Variants in CLASP2 observed in about 807,000 individuals in gnomAD.
CLASP2 encodes the protein CLIP-associating protein 2.
A neutral mutation model predicts 194.4 loss-of-function variants in CLASP2; 47 were observed. The ratio of observed to expected loss-of-function variants is 0.24; its 90% CI spans 0.19 to 0.31. The LOEUF is 0.31. CLASP2 is among the 10% of genes least tolerant of loss of function. The pLI, the probability that CLASP2 is intolerant of heterozygous loss-of-function variation, is 1.00. For synonymous variants in CLASP2, 619 were observed against 633.5 expected (o/e 0.98, Z 0.34); for missense variants, 1,445 against 1,823.6 (o/e 0.79, Z 3.78).
chr3:33,529,467 A>G (rs1379604354), intron 34 of CLASP2, among the ~76,000 whole-genome samples: 1 of 151,372 alleles, frequency 6.6e-6, no homozygotes, highest in Non-Finnish European at 1.5e-5. Flanking sequence ...ACTAGCACAA[A>G]AACAGGCACA....
chr3:33,707,297 T>G (rs890757165), intron 1 of CLASP2, among the ~76,000 whole-genome samples: 1 of 152,148 alleles, frequency 6.6e-6, no homozygotes, highest in Non-Finnish European at 1.5e-5. Context: ...TATGAGTTCA[T>G]AATTATATGA....
chr3:33,686,616 G>C (rs2090710347), intron 5 of CLASP2, among the ~76,000 whole-genome samples: 1 of 152,188 alleles, frequency 6.6e-6, no homozygotes. Context: ...GGTATAGACA[G>C]TTCAGATAAA....
At chr3:33,660,102 T>A (rs1187823557) in intron 7 of CLASP2, among the ~76,000 whole-genome samples, 2 of 152,164 alleles carry the variant, frequency 1.3e-5, no homozygotes, top group East Asian at 3.8e-4. Flanking sequence ...AAATAAGAAT[T>A]ATGCATAGTT....
At chr3:33,599,661 C>T (rs1020371093) in intron 18 of CLASP2, among the ~76,000 whole-genome samples, 8 of 152,126 alleles carry the variant, frequency 5.3e-5, no homozygotes, top group African/African-American at 1.9e-4. Flanking sequence ...AGAACACTCC[C>T]TCTAATTCAT....
intron 18 of CLASP2, among the ~76,000 whole-genome samples, chr3:33,599,444 C>T (rs1406830148): frequency 6.6e-6 from 1 of 152,108 alleles, no homozygotes; most frequent in Non-Finnish European, 1.5e-5. Context: ...TTCTATACTA[C>T]TATATACCAA....
At chr3:33,681,907 CCCTAGGTTAGTT>C (rs2089916568) in intron 6 of CLASP2, among the ~76,000 whole-genome samples, 1 of 152,150 alleles carries the variant, frequency 6.6e-6, no homozygotes, top group Non-Finnish European at 1.5e-5. Flanking sequence ...AATGAGTTCT[CCCTAGGTTAGTT>C]CCTAGGAGAG....
intron 6 of CLASP2, among the ~76,000 whole-genome samples, chr3:33,674,377 G>C (rs1392162756): frequency 6.6e-6 from 1 of 151,870 alleles, no homozygotes; most frequent in Non-Finnish European, 1.5e-5. Flanking sequence ...CAGAAATGAA[G>C]ATGTTCTTTG....
chr3:33,607,190 T>G (rs1290713096), intron 15 of CLASP2, among the ~76,000 whole-genome samples, 194 bp downstream of exon 15: 3 of 152,226 alleles, frequency 2.0e-5, no homozygotes, highest in Non-Finnish European at 4.4e-5. Flanking sequence ...AGAATACTGA[T>G]GATTACATGT....
Position 33,497,522 on chromosome 3 carries a change from C to A in CLASP2, c.*1109G>T, listed in dbSNP as rs2045948845. The A allele has an allele frequency of 6.6e-6, 1 of 152,556 alleles. No homozygotes were observed. Among genetic ancestry groups the A allele is most frequent in the African/African-American group, 2.4e-5 (1 of 41,432 alleles). The allele number at this position is 152,556 out of a possible 1,614,324, so 9.5% of individuals were successfully genotyped here. On this transcript the variant is annotated 3_prime_UTR_variant, in exon 39 of 39. Transcript: ENST00000682230. Reference sequence around the variant, plus strand: ...TTCCAAAAGACACTATAGGCAGCAGCTCAGTTAAAAGTATTAGCCCTGAAG... The same window carrying A: ...TTCCAAAAGACACTATAGGCAGCAGATCAGTTAAAAGTATTAGCCCTGAAG...
At chr3:33,501,443 A>G (rs1368932143) in intron 38 of CLASP2, among the ~76,000 whole-genome samples, 1 of 152,208 alleles carries the variant, frequency 6.6e-6, no homozygotes, top group Non-Finnish European at 1.5e-5. Flanking sequence ...CCATCACCCC[A>G]ACAAACTGCT....
At chr3:33,671,527 T>C (rs2087203259) in intron 6 of CLASP2, among the ~76,000 whole-genome samples, 1 of 152,052 alleles carries the variant, frequency 6.6e-6, no homozygotes, top group Non-Finnish European at 1.5e-5. Flanking sequence ...AGAAGACAGG[T>C]GATTTCTGCA....
chr3:33,709,624 T>C (rs1440050708), intron 1 of CLASP2, among the ~76,000 whole-genome samples: 6 of 151,978 alleles, frequency 3.9e-5, no homozygotes, highest in African/African-American at 1.2e-4. Flanking sequence ...AGGCATCCCC[T>C]AGAAGCTGGA....
intron 21 of CLASP2, 140 bp from the exon 22 acceptor site, chr3:33,585,060 G>T: frequency 3.2e-6 from 2 of 617,510 alleles, no homozygotes; most frequent in Admixed American, 3.6e-5. Flanking sequence ...GAAATAGACC[G>T]AGGAAGATTT....
chr3:33,714,529 C>A (rs2093196754), intron 1 of CLASP2, among the ~76,000 whole-genome samples: 1 of 152,104 alleles, frequency 6.6e-6, no homozygotes, highest in South Asian at 2.1e-4. Flanking sequence ...GGCAATTATC[C>A]ATAATTCCTC....
At position 33,717,881 on chromosome 3, in the gene CLASP2, A is replaced by G. The variant is rs1293104442; in HGVS notation, c.122T>C (p.Leu41Pro). 2 of 1,560,552 alleles carry G rather than the reference A, an allele frequency of 1.3e-6. No homozygotes were observed. Among genetic ancestry groups the G allele is most frequent in the South Asian group, 1.2e-5 (1 of 84,756 alleles). ...YLGAPGAISDLEEDLGRLGKT... is the reference protein window; with the variant it reads ...YLGAPGAISDPEEDLGRLGKT... The stretch of plus-strand genomic sequence containing the variant: ...GCCTAGGCGGCCCAGGTCCTCCTCC[A>G]GGTCCGAGATGGCGCCGGGGGCGCC... The change falls in exon 1 of 39, where the codon CTG becomes CCG. Residue 41 changes from leucine to proline, a missense_variant. Leu to Pro is a moderately conservative substitution (Grantham distance 98). This residue lies in a region of CLASP2 where 332 missense variants were observed against 325.3 expected (regional missense o/e 1.02). Transcript: ENST00000682230.
intron 6 of CLASP2, among the ~76,000 whole-genome samples, chr3:33,672,854 G>C (rs527862144): frequency 1.3e-5 from 2 of 152,272 alleles, no homozygotes; most frequent in South Asian, 2.1e-4. Flanking sequence ...GATGGAAGAT[G>C]AAATGAATGA....
chr3:33,565,961 T>C (rs2062663754), intron 27 of CLASP2, among the ~76,000 whole-genome samples: 1 of 152,192 alleles, frequency 6.6e-6, no homozygotes, highest in African/African-American at 2.4e-5. Context: ...ATTTTTCTAT[T>C]GCACAGGCGT....
chr3:33,566,651 G>A, intron 27 of CLASP2, 81 bp downstream of exon 27: 1 of 416,026 alleles, frequency 2.4e-6, no homozygotes, highest in Non-Finnish European at 4.7e-6. Context: ...TGAACTCTTT[G>A]GGAGAGAAAA....
intron 16 of CLASP2, among the ~76,000 whole-genome samples, chr3:33,606,089 G>A (rs1482219682): frequency 1.3e-5 from 2 of 152,018 alleles, no homozygotes; most frequent in African/African-American, 4.8e-5. Context: ...TAAGCAGTAA[G>A]GATTTGAGGT....
Sources: allele counts gnomAD v4.1 joint callset (sites outside exome capture counted in the v4.1 genomes callset), GRCh38; gene constraint gnomAD v4.1.1; regional missense constraint gnomAD v4.1.1; transcripts MANE v1.5; gene names NCBI Gene and HGNC (gene_info 2026-07-23, HGNC 2026-07-21).